PALS2: variants seen among roughly 807,000 people sequenced by gnomAD.
PALS2 encodes the protein protein associated with LIN7 2, MAGUK p55 family member, also known as protein PALS2.
PALS2 carries 27 observed loss-of-function variants against 61.6 expected under a neutral mutation model. That is an observed-to-expected ratio of 0.44 (90% CI 0.32 to 0.60). The LOEUF is 0.60. Ranked by LOEUF, PALS2 falls within the 20% of genes least tolerant of loss-of-function variation. PALS2 has a pLI of 0.05. For synonymous variants in PALS2, 236 were observed against 218.6 expected (o/e 1.08, Z -0.70); for missense variants, 554 against 639.4 (o/e 0.87, Z 1.44).
intron 1 of PALS2, among the ~76,000 whole-genome samples, chr7:24,603,661 C>G (rs906419195): frequency 3.9e-5 from 6 of 152,154 alleles, no homozygotes; most frequent in Non-Finnish European, 5.9e-5. Flanking sequence ...AACATTGGCT[C>G]AAATGGCTGT....
chr7:24,639,659 C>T (rs575515756), intron 2 of PALS2, among the ~76,000 whole-genome samples: 2 of 150,780 alleles, frequency 1.3e-5, no homozygotes, highest in South Asian at 4.2e-4. Flanking sequence ...TTAACTAATT[C>T]TGTAGATTAT....
chr7:24,650,396 T>C, intron 4 of PALS2, 89 bp from the exon 5 acceptor site: 1 of 1,088,360 alleles, frequency 9.2e-7, no homozygotes, highest in Non-Finnish European at 1.3e-6. Context: ...TTTTACCTAG[T>C]TTTAGAATTA....
At chr7:24,624,146 C>G (rs1014804558) in intron 2 of PALS2, 2 of 1,284,702 alleles carry the variant, frequency 1.6e-6, no homozygotes, top group Admixed American at 2.5e-5. Context: ...GACTGTGTAC[C>G]TACTTTTCAT....
At chr7:24,632,343 A>G (rs1206357950) in intron 2 of PALS2, among the ~76,000 whole-genome samples, 1 of 152,156 alleles carries the variant, frequency 6.6e-6, no homozygotes, top group Non-Finnish European at 1.5e-5. Flanking sequence ...TTTGTATTTA[A>G]AGTAAGTTTC....
Position 24,688,362 on chromosome 7 carries a change from G to A in PALS2, c.*748G>A, listed in dbSNP as rs1196934403. 1 of 152,162 alleles carries A rather than the reference G, an allele frequency of 6.6e-6. No individual in the cohort carries two copies. Among genetic ancestry groups the A allele is most frequent in the Admixed American group, 6.5e-5 (1 of 15,270 alleles). 9.4% of individuals were successfully genotyped at this position (152,162 alleles called of 1,614,324 possible). A position where few individuals can be genotyped will look rare whatever the true frequency, so the allele number is the denominator to read the frequency against. On this transcript the variant is annotated 3_prime_UTR_variant, in exon 12 of 12. Transcript: ENST00000222644. ...ATTTAACATGTACACAGTAAGCTCT[G>A]GGGCTGGAAGCAAGGTCATGCAGAC...
In PALS2 at chr7:24,674,783, A is replaced by G. The variant is rs139700204; in HGVS notation, c.1115-4348A>G. On this transcript the variant is annotated intron_variant, in intron 9 of 11. Coordinates refer to ENST00000222644, the MANE Select transcript of PALS2 (RefSeq NM_001303037.2). ...TTACAAAATGATCCTAAGATAAAATAGAAAAACATTGTTATTTTAGGGAGA... is the reference window on the plus strand; with the variant it reads ...TTACAAAATGATCCTAAGATAAAATGGAAAAACATTGTTATTTTAGGGAGA... Among the ~76,000 whole-genome samples, 424 of 152,336 alleles carry G rather than the reference A, an allele frequency of 2.8e-3. 4 individuals carry two copies. Among genetic ancestry groups the G allele is most frequent in the Middle Eastern group, 0.017 (5 of 294 alleles).
intron 1 of PALS2, chr7:24,620,007 G>A (rs140671532): frequency 1.3e-5 from 2 of 151,854 alleles, no homozygotes; most frequent in South Asian, 4.2e-4. Context: ...TGTGTTTATC[G>A]ATATCTGAAT....
chr7:24,588,401 TTC>T (rs1405061896), intron 1 of PALS2, among the ~76,000 whole-genome samples: 1 of 152,224 alleles, frequency 6.6e-6, no homozygotes, highest in African/African-American at 2.4e-5. Context: ...AAGTTTATTT[TTC>T]TGTTTTACCA....
At chr7:24,595,308 C>T (rs1007677295) in intron 1 of PALS2, among the ~76,000 whole-genome samples, 11 of 148,832 alleles carry the variant, frequency 7.4e-5, no homozygotes, top group African/African-American at 2.7e-4. Flanking sequence ...TTTATGGTGC[C>T]CATGGGAGAT....
intron 1 of PALS2, among the ~76,000 whole-genome samples, chr7:24,586,531 G>A (rs1464625463): frequency 6.6e-6 from 1 of 152,188 alleles, no homozygotes; most frequent in Non-Finnish European, 1.5e-5. Flanking sequence ...ATATGTGGTT[G>A]TGCATATAGG....
chr7:24,580,756 C>A (rs1326774961), intron 1 of PALS2, among the ~76,000 whole-genome samples: 3 of 152,186 alleles, frequency 2.0e-5, no homozygotes, highest in Non-Finnish European at 4.4e-5. Flanking sequence ...CCCAGTTTTA[C>A]TAGTTGAGCT....
At chr7:24,671,863 T>A (rs971823425) in intron 9 of PALS2, among the ~76,000 whole-genome samples, 1 of 151,966 alleles carries the variant, frequency 6.6e-6, no homozygotes, top group Non-Finnish European at 1.5e-5. Flanking sequence ...ATGTCAAGAT[T>A]TATTTATAAA....
chr7:24,589,136 T>G (rs1167263981), intron 1 of PALS2: 2 of 152,084 alleles, frequency 1.3e-5, no homozygotes, highest in Non-Finnish European at 2.9e-5. Flanking sequence ...CAGATCTTCT[T>G]TTAGTAGATA....
chr7:24,638,100 T>TA (rs142007686), intron 2 of PALS2, among the ~76,000 whole-genome samples: 9,595 of 151,810 alleles, frequency 0.063, 352 homozygotes, highest in African/African-American at 0.093. Context: ...TGAAAGCTAA[T>TA]AAAAAAAATC....
Position 24,680,515 on chromosome 7 carries a change from C to G in PALS2, c.1441C>G (p.Leu481Val). The part of the protein sequence containing the change: ...VVDAGITTKL[L>V]TDSDLKKTVD... ...GGATGCAGGAATCACTACCAAGCTT[C>G]TGACCGTGAGCTAACCATACGATTT... Residue 481 changes from leucine (L) to valine (V), a missense_variant, in exon 11 of 12, where the codon CTG (leucine) becomes GTG (valine). By Grantham distance (32) the Leu-to-Val change is conservative (BLOSUM62 1). Transcript: ENST00000222644. The G allele has an allele frequency of 1.2e-6, 2 of 1,613,618 alleles. No individual in the cohort carries two copies. The highest frequency in any genetic ancestry group is 1.7e-6 in the Non-Finnish European group (2 of 1,179,696).
intron 2 of PALS2, chr7:24,624,042 G>A: frequency 7.7e-7 from 1 of 1,300,708 alleles, no homozygotes; most frequent in Non-Finnish European, 1.0e-6. Context: ...AATCATACCT[G>A]CACAGTTGTG....
In PALS2 at chr7:24,668,512, T is replaced by C. The variant is rs761875186; in HGVS notation, c.966T>C (p.His322=). ...TTTTTCATTTAGAATTTGATCGTCATGAAATCCAGATATATGAGGAGGTAG... is the reference window on the plus strand; with the variant it reads ...TTTTTCATTTAGAATTTGATCGTCACGAAATCCAGATATATGAGGAGGTAG... ...LTTRNAEFDR[H]EIQIYEEVAK... The change falls in exon 9 of 12, where the codon CAT becomes CAC. Residue 322 remains histidine, a synonymous_variant. Coordinates refer to ENST00000222644, the MANE Select transcript of PALS2 (RefSeq NM_001303037.2). 1.4e-5 allele frequency: 22 copies of C among 1,611,544 alleles called. No homozygotes were observed. In the East Asian group the frequency reaches 4.7e-4, roughly 34 times the overall value.
In PALS2 at chr7:24,666,172, T is replaced by G. The variant is rs78974223; in HGVS notation, c.952+83T>G. Reference sequence around the variant, plus strand: ...TGGCATAAACTCTGAATATACAGCTTTAAGTGAGTGTAATTCAGATTAGTA... The same window carrying G: ...TGGCATAAACTCTGAATATACAGCTGTAAGTGAGTGTAATTCAGATTAGTA... On this transcript the variant is annotated intron_variant, in intron 8 of 11. Transcript: ENST00000222644. 61,521 of 1,225,160 alleles carry G rather than the reference T, an allele frequency of 0.05. 1,836 individuals are homozygous for G. Among genetic ancestry groups the G allele is most frequent in the Non-Finnish European group, 0.058 (49,529 of 849,958 alleles). The allele number at this position is 1,225,160 out of a possible 1,614,324, so 75.9% of individuals were successfully genotyped here. A position where few individuals can be genotyped will look rare whatever the true frequency, so the allele number is the denominator to read the frequency against.
rs199927855 is a variant in PALS2, at chr7:24,663,688, G to T, written c.750G>T (p.Gln250His). Residue 250 changes from glutamine to histidine, a missense_variant, in exon 6 of 12, where the codon CAG becomes CAT. Coordinates refer to ENST00000222644, the MANE Select transcript of PALS2 (RefSeq NM_001303037.2). ...GLKFSKGEIL[Q>H]IVNREDPNWW... ...AGTTTTCCAAAGGAGAGATTCTTCA[G>T]ATTGTAAATAGAGAAGATCCAAATT... 1.4e-5 allele frequency: 22 copies of T among 1,610,044 alleles called. No individual in the cohort carries two copies. The Admixed American group carries it at 2.2e-4, about 16-fold the overall frequency.
Sources: gnomAD v4.1 joint callset for allele counts (sites outside exome capture counted in the v4.1 genomes callset) on GRCh38, gnomAD v4.1.1 for gene constraint, MANE v1.5 for transcripts, NCBI Gene and HGNC (gene_info 2026-07-23, HGNC 2026-07-21) for gene names.